The following XPO4 variants were observed in gnomAD, a reference collection of about 807,000 sequenced individuals.
XPO4 encodes exportin-4.
Under a neutral mutation model 143.0 loss-of-function variants are expected in XPO4, and 39 were observed. The ratio of observed to expected loss-of-function variants is 0.27; its 90% confidence interval spans 0.21 to 0.36. The LOEUF is 0.36. Among genes scored for constraint, XPO4 ranks in the 10% least tolerant of loss-of-function variants. The pLI is 1.00. For missense variants in XPO4, 907 were observed against 1,348.0 expected, an observed-to-expected ratio of 0.67 and a Z score of 5.12; for synonymous variants, 439 against 474.0, an observed-to-expected ratio of 0.93 and a Z score of 0.96.
chr13:20,820,565 A>G (rs1251140696), intron 9 of XPO4, among the ~76,000 whole-genome samples: 1 of 152,242 alleles, frequency 6.6e-6, no homozygotes, highest in Non-Finnish European at 1.5e-5. Flanking sequence ...TAAACTGTAA[A>G]TACTTAAAAT....
chr13:20,792,374 C>A (rs1055013419), intron 18 of XPO4, among the ~76,000 whole-genome samples: 19 of 151,918 alleles, frequency 1.3e-4, no homozygotes, highest in African/African-American at 4.6e-4. Flanking sequence ...AGGCGGATCA[C>A]GAGGTCAGGA....
chr13:20,851,830 C>T (rs2060093049), intron 4 of XPO4: 2 of 985,040 alleles, frequency 2.0e-6, no homozygotes, highest in Admixed American at 1.2e-4. Flanking sequence ...AAAGTGTACA[C>T]ACTATGAAGA....
At chr13:20,865,980 T>A (rs1355944873) in intron 2 of XPO4, 43 of 954,040 alleles carry the variant, frequency 4.5e-5, no homozygotes, top group Non-Finnish European at 5.2e-5. Context: ...TTGGCACTTG[T>A]GAGATCAGAA....
At chr13:20,878,419 A>G (rs1473268889) in intron 1 of XPO4, among the ~76,000 whole-genome samples, 1 of 152,134 alleles carries the variant, frequency 6.6e-6, no homozygotes, top group African/African-American at 2.4e-5. Flanking sequence ...ATAGAAAAAA[A>G]AAGAAGAAGT....
chr13:20,804,713 C>G (rs562224022), intron 13 of XPO4, among the ~76,000 whole-genome samples: 15 of 152,028 alleles, frequency 9.9e-5, no homozygotes, highest in Non-Finnish European at 2.2e-4. Context: ...CCTTAAAGCA[C>G]TATATCTACA....
In XPO4 at chr13:20,809,902, C is replaced by T; in HGVS notation, c.1239G>A (p.Leu413=). ...YDKLLESWLT[L]VQDDKHFHKG... ...TATGGAAATGTTTGTCATCTTGAAC[C>T]AAAGTTAACCAGGACTCCAACAATT... The change falls in exon 10 of 23, where the codon TTG becomes TTA. Residue 413 remains leucine (L), a synonymous_variant. Coordinates refer to ENST00000255305, the MANE Select transcript of XPO4 (RefSeq NM_022459.5). The T allele has an allele frequency of 6.2e-7, 1 of 1,613,702 alleles. No homozygotes were observed. The highest frequency in any genetic ancestry group is 8.5e-7 in the Non-Finnish European group (1 of 1,179,794).
rs201266279 is a variant in XPO4, at chr13:20,790,429, A to G, written c.2916+33T>C. On this transcript the variant is annotated intron_variant, in intron 19 of 22. Coordinates refer to ENST00000255305, the MANE Select transcript of XPO4 (RefSeq NM_022459.5). ...GTATCTTTGAACTTCAGTTACACAT[A>G]GTGGTATGTTCACATTCAATTTCAT... 182 of 1,487,684 alleles carry G rather than the reference A, an allele frequency of 1.2e-4. 5 individuals carry two copies. The South Asian group carries it at 1.8e-3, about 14-fold the overall frequency. 92.2% of individuals were successfully genotyped at this position (1,487,684 alleles called of 1,614,324 possible).
chr13:20,859,052 C>G (rs1237280069), intron 3 of XPO4, among the ~76,000 whole-genome samples: 1 of 151,612 alleles, frequency 6.6e-6, no homozygotes, highest in Non-Finnish European at 1.5e-5. Context: ...TTAATTTGGG[C>G]CAGGTACGGT....
chr13:20,814,672 TAAG>T (rs1168311598), intron 9 of XPO4, among the ~76,000 whole-genome samples: 1 of 152,204 alleles, frequency 6.6e-6, no homozygotes, highest in Non-Finnish European at 1.5e-5. Flanking sequence ...CAGAGATGAC[TAAG>T]GAGACCAAGC....
chr13:20,787,638 T>C (rs1434775069), intron 20 of XPO4, 40 bp from the exon 21 acceptor site: 13 of 1,551,898 alleles, frequency 8.4e-6, no homozygotes, highest in Non-Finnish European at 1.2e-5. Flanking sequence ...ATTGGATATA[T>C]TCGATTTATA....
intron 12 of XPO4, among the ~76,000 whole-genome samples, chr13:20,808,168 CGAT>C (rs2059531883): frequency 6.6e-6 from 1 of 151,902 alleles, no homozygotes; most frequent in South Asian, 2.1e-4. Flanking sequence ...GGGATAATGA[CGAT>C]GATGATGATA....
intron 2 of XPO4, among the ~76,000 whole-genome samples, chr13:20,864,198 TAG>T (rs915926660): frequency 1.1e-4 from 16 of 151,734 alleles, no homozygotes; most frequent in Non-Finnish European, 8.8e-5. Flanking sequence ...GTGAACCTAT[TAG>T]AAAAGATGTG....
intron 1 of XPO4, among the ~76,000 whole-genome samples, chr13:20,887,774 T>C (rs1414070277): frequency 4.6e-5 from 7 of 151,752 alleles, no homozygotes; most frequent in Non-Finnish European, 1.0e-4. Flanking sequence ...GGCAGGTGAA[T>C]CACTCGAATT....
At chr13:20,809,767 A>G (rs2059553828) in intron 10 of XPO4, 24 bp downstream of exon 10, 3 of 1,581,804 alleles carry the variant, frequency 1.9e-6, no homozygotes, top group Admixed American at 1.8e-5. Flanking sequence ...TAGACTGTTA[A>G]TTACCATCTT....
At chr13:20,856,774 T>A in intron 3 of XPO4, 1 of 923,004 alleles carries the variant, frequency 1.1e-6, no homozygotes, top group Non-Finnish European at 1.3e-6. Flanking sequence ...CATATTGACC[T>A]TTCAGTTCCT....
At chr13:20,887,141 T>C (rs2060468681) in intron 1 of XPO4, among the ~76,000 whole-genome samples, 1 of 152,132 alleles carries the variant, frequency 6.6e-6, no homozygotes, top group South Asian at 2.1e-4. Flanking sequence ...TCCAATCCTA[T>C]ACAGATTTCT....
At chr13:20,835,143 T>A (rs368627002) in intron 6 of XPO4, among the ~76,000 whole-genome samples, 2 of 152,282 alleles carry the variant, frequency 1.3e-5, no homozygotes. Flanking sequence ...GTGCTGAGAT[T>A]CAGGTGTTAG....
chr13:20,808,476 A>G lies in XPO4; in HGVS notation c.1599T>C (p.Asp533=). The G allele has an allele frequency of 6.3e-7, 1 of 1,575,280 alleles. No individual in the cohort carries two copies. Among genetic ancestry groups the G allele is most frequent in the Non-Finnish European group, 8.7e-7 (1 of 1,150,994 alleles). Residue 533 remains aspartate, a synonymous_variant, in exon 12 of 23, where the codon GAT becomes GAC. Transcript: ENST00000255305. ...GSSTVDNKML[D]DLYEDIHWLI... is the part of the protein sequence containing the mutation. ...GCCAGTGAATATCTTCATAGAGATC[A>G]TCAAGCATTTTGTTGTCAACAGTGC...
intron 20 of XPO4, among the ~76,000 whole-genome samples, chr13:20,788,057 G>GTT (rs5802086): frequency 0.015 from 2,005 of 137,008 alleles, 55 homozygotes; most frequent in African/African-American, 0.051. Flanking sequence ...TTGTTTTTTT[G>GTT]TTTTTTTTTT....
Sources: gnomAD v4.1 joint callset for allele counts (sites outside exome capture counted in the v4.1 genomes callset) on GRCh38, gnomAD v4.1.1 for gene constraint, MANE v1.5 for transcripts, NCBI Gene and HGNC (gene_info 2026-07-23, HGNC 2026-07-21) for gene names.